FARP1: variants seen among roughly 807,000 people sequenced by gnomAD.
FARP1 encodes FERM, ARHGEF and pleckstrin domain-containing protein 1.
Under a neutral mutation model 128.8 loss-of-function variants are expected in FARP1, and 52 were observed. That is an observed-to-expected ratio of 0.40 (90% CI 0.32 to 0.51). FARP1 has a LOEUF of 0.51. Among genes scored for constraint, FARP1 ranks in the 20% least tolerant of loss-of-function variants. FARP1 has a pLI of 0.45. For synonymous variants in FARP1, 580 were observed against 551.8 expected, an observed-to-expected ratio of 1.05 and a Z score of -0.72; for missense variants, 1,333 against 1,367.9, an observed-to-expected ratio of 0.97 and a Z score of 0.40.
intron 1 of FARP1, among the ~76,000 whole-genome samples, chr13:98,165,825 C>A (rs12870128): frequency 1.5e-5 from 2 of 137,736 alleles, no homozygotes; most frequent in East Asian, 4.8e-4. Flanking sequence ...TCAAGCAATT[C>A]TACTGCCTCA....
intron 2 of FARP1, among the ~76,000 whole-genome samples, chr13:98,268,397 A>T (rs949922936): frequency 6.6e-6 from 1 of 152,162 alleles, no homozygotes; most frequent in African/African-American, 2.4e-5. Context: ...CAGCAGGAAG[A>T]GATACTGGCC....
chr13:98,175,883 A>G (rs1877974929), intron 1 of FARP1: 1 of 438,460 alleles, frequency 2.3e-6, no homozygotes, highest in South Asian at 4.9e-5. Context: ...AAATCTTTAA[A>G]AGGATTTCCT....
At chr13:98,443,744 G>A (rs1228965596) in intron 24 of FARP1, among the ~76,000 whole-genome samples, 5 of 140,796 alleles carry the variant, frequency 3.6e-5, no homozygotes, top group African/African-American at 1.0e-4. Context: ...TAGAGCCAGT[G>A]AAGGGCCAGA....
chr13:98,235,926 C>G (rs147542167), intron 2 of FARP1, among the ~76,000 whole-genome samples: 2 of 151,196 alleles, frequency 1.3e-5, no homozygotes, highest in South Asian at 4.2e-4. Context: ...TGGGTTAAAG[C>G]AATTCCCCTG....
intron 18 of FARP1, 117 bp downstream of exon 18, chr13:98,431,397 TC>T: frequency 1.6e-6 from 1 of 625,390 alleles, no homozygotes; most frequent in Non-Finnish European, 2.7e-6. Flanking sequence ...TGATGCTGGG[TC>T]CCAGGTTTTC....
At chr13:98,446,341 G>A (rs1892834197) in intron 25 of FARP1, 136 bp downstream of exon 25, 3 of 635,574 alleles carry the variant, frequency 4.7e-6, no homozygotes, top group Non-Finnish European at 8.4e-6. Context: ...TGCTGGCGGG[G>A]GGCCCTGTCC....
At chr13:98,161,499 G>A (rs1268219147) in intron 1 of FARP1, among the ~76,000 whole-genome samples, 2 of 152,108 alleles carry the variant, frequency 1.3e-5, no homozygotes, top group East Asian at 1.9e-4. Context: ...TTACAGGCAT[G>A]AGCCACCATG....
chr13:98,436,588 G>A (rs1242292527), intron 19 of FARP1, among the ~76,000 whole-genome samples: 1 of 152,196 alleles, frequency 6.6e-6, no homozygotes, highest in Non-Finnish European at 1.5e-5. Context: ...CTTGACATCT[G>A]TAACTCAGGG....
chr13:98,201,068 A>G (rs1684878844), intron 1 of FARP1, among the ~76,000 whole-genome samples: 1 of 152,198 alleles, frequency 6.6e-6, no homozygotes, highest in Non-Finnish European at 1.5e-5. Flanking sequence ...TTTGAAATAG[A>G]TAACACATTA....
At chr13:98,154,719 T>G (rs1190417688) in intron 1 of FARP1, among the ~76,000 whole-genome samples, 1 of 152,176 alleles carries the variant, frequency 6.6e-6, no homozygotes, top group South Asian at 2.1e-4. Context: ...CCGAAGCAAC[T>G]GCAAGGCCCT....
At chr13:98,266,827 C>T (rs1268970673) in intron 2 of FARP1, among the ~76,000 whole-genome samples, 1 of 151,898 alleles carries the variant, frequency 6.6e-6, no homozygotes, top group East Asian at 1.9e-4. Flanking sequence ...GCCTGGCCAA[C>T]ATAAGTGAGA....
chr13:98,322,819 G>A (rs1307474021), intron 2 of FARP1, among the ~76,000 whole-genome samples: 1 of 152,118 alleles, frequency 6.6e-6, no homozygotes, highest in Non-Finnish European at 1.5e-5. Flanking sequence ...GAAAACACGG[G>A]CACACACATA....
rs1891111754 is a variant in FARP1, at chr13:98,409,543, C to CAAGCGCGTGTGTGGCTGTGT, written c.1602+19_1602+38dup. ...GGAGGAAGGTACAGGGCCGAGGGCT[C>CAAGCGCGTGTGTGGCTGTGT]AAGCGCGTGTGTGGCTGTGTGTGCA... On this transcript the variant is annotated intron_variant, in intron 14 of 26. Transcript: ENST00000319562. The CAAGCGCGTGTGTGGCTGTGT allele has an allele frequency of 6.3e-7, 1 of 1,578,962 alleles. No individual in the cohort carries two copies. Among genetic ancestry groups the CAAGCGCGTGTGTGGCTGTGT allele is most frequent in the Non-Finnish European group, 8.6e-7 (1 of 1,157,752 alleles).
At chr13:98,262,343 G>T (rs1241158858) in intron 2 of FARP1, among the ~76,000 whole-genome samples, 1 of 151,850 alleles carries the variant, frequency 6.6e-6, no homozygotes, top group African/African-American at 2.4e-5. Flanking sequence ...TTTATTTGCC[G>T]ACTTTTCTTC....
chr13:98,287,386 C>T lies in FARP1; in HGVS notation c.172-56376C>T, dbSNP rs1391199209. Among the ~76,000 whole-genome samples the T allele has an allele frequency of 6.8e-4, 103 of 151,496 alleles. 1 individual carries two copies. Among genetic ancestry groups the T allele is most frequent in the Non-Finnish European group, 9.7e-4 (66 of 67,802 alleles). The stretch of plus-strand genomic sequence containing the variant: ...CTGGGACTACAGGCGCCCGCCACCA[C>T]ACCTGGCTAATTTTTTGTATTTTTA... On this transcript the variant is annotated intron_variant, in intron 2 of 26. Coordinates refer to ENST00000319562, the MANE Select transcript of FARP1 (RefSeq NM_005766.4).
chr13:98,444,532 G>A (rs1315424497), intron 24 of FARP1, among the ~76,000 whole-genome samples: 2 of 152,212 alleles, frequency 1.3e-5, no homozygotes, highest in Admixed American at 6.5e-5. Context: ...CAGGGCAGGA[G>A]ACTCATGGCG....
At chr13:98,375,846 C>G (rs1889557368) in intron 5 of FARP1, among the ~76,000 whole-genome samples, 1 of 152,094 alleles carries the variant, frequency 6.6e-6, no homozygotes, top group South Asian at 2.1e-4. Flanking sequence ...CCAGGCTGGT[C>G]TTAAACTCCT....
chr13:98,419,535 T>G (rs1378871686), intron 16 of FARP1, among the ~76,000 whole-genome samples: 1 of 149,148 alleles, frequency 6.7e-6, no homozygotes, highest in Non-Finnish European at 1.5e-5. Flanking sequence ...CTCTGGCTAA[T>G]TTGTTTGCTT....
chr13:98,266,095 G>A (rs767539073), intron 2 of FARP1, among the ~76,000 whole-genome samples: 2 of 151,992 alleles, frequency 1.3e-5, no homozygotes, highest in African/African-American at 2.4e-5. Flanking sequence ...AGGGCAAAAT[G>A]GGTGTCAGTG....
Sources: allele counts gnomAD v4.1 joint callset (sites outside exome capture counted in the v4.1 genomes callset), GRCh38; gene constraint gnomAD v4.1.1; transcripts MANE v1.5; gene names NCBI Gene and HGNC (gene_info 2026-07-23, HGNC 2026-07-21).